LRP1B: variants seen among roughly 807,000 people sequenced by gnomAD.
The protein encoded by LRP1B is LDL receptor related protein 1B.
Under a neutral mutation model 556.6 loss-of-function variants are expected in LRP1B, and 217 were observed. That is an observed-to-expected ratio of 0.39 (90% CI 0.35 to 0.44). The LOEUF is 0.44. Ranked by LOEUF, LRP1B falls within the 20% of genes least tolerant of loss-of-function variation. The pLI is 1.00. For missense variants in LRP1B, 5,053 were observed against 5,620.8 expected, an observed-to-expected ratio of 0.90 and a Z score of 3.23; for synonymous variants, 2,047 against 1,865.8, an observed-to-expected ratio of 1.10 and a Z score of -2.50.
At chr2:140,314,703 G>C (rs1684444978) in intron 83 of LRP1B, among the ~76,000 whole-genome samples, 1 of 152,022 alleles carries the variant, frequency 6.6e-6, no homozygotes, top group Non-Finnish European at 1.5e-5. Context: ...TATAAACACT[G>C]AGCCTGTCAC....
At chr2:141,875,203 C>A (rs1698715367) in intron 1 of LRP1B, among the ~76,000 whole-genome samples, 1 of 151,124 alleles carries the variant, frequency 6.6e-6, no homozygotes, top group African/African-American at 2.4e-5. Context: ...AGAGATGGGG[C>A]CTTTCCATGT....
At chr2:141,525,998 G>A (rs141043511) in intron 2 of LRP1B, among the ~76,000 whole-genome samples, 2,368 of 152,048 alleles carry the variant, frequency 0.016, 36 homozygotes, top group Middle Eastern at 0.061. Context: ...ATTCAATGAG[G>A]TGAATAATAT....
chr2:142,129,584 TTCTCTCTCTCTCTCTCTCTCTCTCTC>T (rs56034357), intron 1 of LRP1B, among the ~76,000 whole-genome samples: 249 of 134,810 alleles, frequency 1.8e-3, no homozygotes, highest in Non-Finnish European at 3.1e-3. Flanking sequence ...CTTTCTCTCT[TTCTCTCTCTCTCTCTCTCTCTCTCTC>T]TCTCTCTCTC....
At chr2:141,021,835 A>C (rs1440126816) in intron 11 of LRP1B, among the ~76,000 whole-genome samples, 2 of 151,984 alleles carry the variant, frequency 1.3e-5, no homozygotes. Flanking sequence ...CACCTATCTC[A>C]TAGGATGATT....
chr2:141,154,853 G>T (rs1294035623), intron 7 of LRP1B, among the ~76,000 whole-genome samples: 1 of 151,828 alleles, frequency 6.6e-6, no homozygotes, highest in Non-Finnish European at 1.5e-5. Flanking sequence ...TATTTTAGTT[G>T]CCTTCTAACT....
chr2:141,879,719 C>T (rs1440473468), intron 1 of LRP1B, among the ~76,000 whole-genome samples: 1 of 151,822 alleles, frequency 6.6e-6, no homozygotes, highest in East Asian at 1.9e-4. Flanking sequence ...ATAGAGTCAT[C>T]TGGGATAAAA....
chr2:140,371,417 A>G (rs1160534342), intron 69 of LRP1B, 132 bp from the exon 70 acceptor site: 10 of 404,856 alleles, frequency 2.5e-5, no homozygotes, highest in Non-Finnish European at 4.0e-5. Flanking sequence ...ACGACATTTA[A>G]TGACTGGTAT....
chr2:141,455,476 CAGA>C (rs1681596867), intron 3 of LRP1B, among the ~76,000 whole-genome samples: 1 of 151,722 alleles, frequency 6.6e-6, no homozygotes, highest in Admixed American at 6.6e-5. Flanking sequence ...GCAGACACCG[CAGA>C]AGATTTTAAT....
At chr2:140,398,636 C>T (rs1030887104) in intron 66 of LRP1B, among the ~76,000 whole-genome samples, 1 of 152,144 alleles carries the variant, frequency 6.6e-6, no homozygotes, top group Non-Finnish European at 1.5e-5. Context: ...AGGCAATCTT[C>T]CTGTCTCAGT....
intron 2 of LRP1B, among the ~76,000 whole-genome samples, chr2:141,566,626 CTT>C (rs1167325752): frequency 6.6e-5 from 10 of 152,224 alleles, no homozygotes; most frequent in Admixed American, 2.6e-4. Context: ...TCCAACCTCT[CTT>C]TGTTTTAATT....
At chr2:140,381,609 T>C (rs1043203638) in intron 67 of LRP1B, among the ~76,000 whole-genome samples, 1 of 152,006 alleles carries the variant, frequency 6.6e-6, no homozygotes, top group Admixed American at 6.6e-5. Flanking sequence ...ATGCCTGTAA[T>C]CCCAACATTT....
At position 140,261,886 on chromosome 2, in the gene LRP1B, A is replaced by T. The variant is rs975374958; in HGVS notation, c.13247+8356T>A. On this transcript the variant is annotated intron_variant, in intron 86 of 90. Transcript: ENST00000389484. The stretch of plus-strand genomic sequence containing the variant: ...ATTGCTGATTTTTTATTTCTAAAAA[A>T]GTCTGTGGTCTCATAAATAATAAAA... Among the ~76,000 whole-genome samples, 24 of 152,168 alleles carry T rather than the reference A, an allele frequency of 1.6e-4. No homozygotes were observed. The East Asian group carries it at 4.1e-3, about 26-fold the overall frequency.
intron 1 of LRP1B, among the ~76,000 whole-genome samples, chr2:142,067,362 A>G (rs1021458598): frequency 5.3e-5 from 8 of 151,574 alleles, no homozygotes; most frequent in Admixed American, 1.3e-4. Flanking sequence ...AGTTTAAAAA[A>G]TGTAATATAT....
At chr2:141,315,889 T>A (rs1687015139) in intron 3 of LRP1B, among the ~76,000 whole-genome samples, 3 of 132,490 alleles carry the variant, frequency 2.3e-5, no homozygotes, top group Non-Finnish European at 4.7e-5. Flanking sequence ...GGTCTTTTTT[T>A]TTTTTTTTTT....
chr2:141,445,722 G>C, intron 3 of LRP1B, among the ~76,000 whole-genome samples: 1 of 152,196 alleles, frequency 6.6e-6, no homozygotes. Flanking sequence ...TTTCCATGTA[G>C]TTATGCGTTT....
chr2:141,661,768 C>A (rs1242962373), intron 2 of LRP1B, among the ~76,000 whole-genome samples: 1 of 152,066 alleles, frequency 6.6e-6, no homozygotes, highest in Non-Finnish European at 1.5e-5. Context: ...CAGGATATCA[C>A]CCAGGAGATC....
intron 1 of LRP1B, among the ~76,000 whole-genome samples, chr2:142,110,610 G>C (rs886893763): frequency 6.6e-6 from 1 of 152,086 alleles, no homozygotes; most frequent in Non-Finnish European, 1.5e-5. Flanking sequence ...GAAAATATGA[G>C]AATCTATACT....
intron 7 of LRP1B, among the ~76,000 whole-genome samples, chr2:141,166,521 C>T (rs568989923): frequency 6.6e-6 from 1 of 151,738 alleles, no homozygotes; most frequent in African/African-American, 2.4e-5. Context: ...TTTATCATTT[C>T]TTTATGTTAC....
intron 3 of LRP1B, among the ~76,000 whole-genome samples, chr2:141,301,556 A>T (rs1344925692): frequency 6.6e-6 from 1 of 152,174 alleles, no homozygotes; most frequent in African/African-American, 2.4e-5. Context: ...TCTATATAGC[A>T]TCCCTATGAG....
Sources: gnomAD v4.1 joint callset for allele counts (sites outside exome capture counted in the v4.1 genomes callset) on GRCh38, gnomAD v4.1.1 for gene constraint, MANE v1.5 for transcripts, NCBI Gene and HGNC (gene_info 2026-07-23, HGNC 2026-07-21) for gene names.